The following MS4A14 variants were observed in gnomAD, a reference collection of about 807,000 sequenced individuals.
MS4A14 encodes the protein membrane spanning 4-domains A14.
MS4A14 carries 18 observed loss-of-function variants against 16.7 expected under a neutral mutation model. The observed-to-expected ratio is 1.08, with a 90% CI of 0.75 to 1.60. The LOEUF (loss-of-function observed/expected upper bound fraction) is 1.60, where lower values mean the gene tolerates loss of function less well. Among genes scored for constraint, MS4A14 ranks in the 40% most tolerant of loss-of-function variants. The probability of loss-of-function intolerance (pLI) is 0.00; values close to 1 mark genes in which losing one functional copy is unlikely to be tolerated. For missense variants in MS4A14, 812 were observed against 775.3 expected (o/e 1.05, Z -0.56); for synonymous variants, 305 against 289.4 (o/e 1.05, Z -0.55).
intron 4 of MS4A14, among the ~76,000 whole-genome samples, chr11:60,413,041 C>T (rs1250505968): frequency 6.6e-6 from 1 of 151,858 alleles, no homozygotes; most frequent in Non-Finnish European, 1.5e-5. Flanking sequence ...TTATTATTTA[C>T]AATGTATAAG....
intron 2 of MS4A14, 145 bp downstream of exon 2, chr11:60,398,125 C>A: frequency 2.8e-6 from 2 of 719,562 alleles, no homozygotes; most frequent in Non-Finnish European, 4.4e-6. Flanking sequence ...AGAAGCAACT[C>A]CATTTGGTCA....
chr11:60,405,010 T>G (rs1268915981), intron 4 of MS4A14, among the ~76,000 whole-genome samples: 1 of 152,132 alleles, frequency 6.6e-6, no homozygotes, highest in East Asian at 1.9e-4. Context: ...AGATTTTGGG[T>G]GTATTGCAGG....
chr11:60,412,313 T>C (rs550700737), intron 4 of MS4A14, among the ~76,000 whole-genome samples: 79 of 151,964 alleles, frequency 5.2e-4, no homozygotes, highest in African/African-American at 1.8e-3. Flanking sequence ...AATTGTTTTT[T>C]TTTTTTCTTT....
chr11:60,405,166 G>A lies in MS4A14; in HGVS notation c.468+2105G>A, dbSNP rs536757492. On this transcript the variant is annotated intron_variant, in intron 4 of 4. Transcript: ENST00000300187. The stretch of plus-strand genomic sequence containing the variant: ...ACAATCTCGGCTCACCACAACCTCC[G>A]CCTCCTAGGTTCAAGCAATTCTCCT... Among the ~76,000 whole-genome samples the A allele has an allele frequency of 6.6e-5, 10 of 151,596 alleles. No individual in the cohort carries two copies. The East Asian group carries it at 1.7e-3, about 26-fold the overall frequency.
At chr11:60,410,334 C>T (rs2085849932) in intron 4 of MS4A14, among the ~76,000 whole-genome samples, 1 of 152,104 alleles carries the variant, frequency 6.6e-6, no homozygotes, top group Non-Finnish European at 1.5e-5. Flanking sequence ...TTGTAGAGTT[C>T]TTTATATATT....
rs555394135 is a variant in MS4A14 at position 60,416,212 on chromosome 11, T to C, written c.1244T>C (p.Ile415Thr). Reference sequence around the variant, plus strand: ...TCCCAAGCTCTATCAGCGCATGCCATATTACCTGAAGCCTCAACATCCCAT... The same window carrying C: ...TCCCAAGCTCTATCAGCGCATGCCACATTACCTGAAGCCTCAACATCCCAT... ...MLSQALSAHA[I>T]LPEASTSHIV... The change falls in exon 5 of 5, where the codon ATA (isoleucine) becomes ACA (threonine). Residue 415 changes from isoleucine (I) to threonine (T), a missense_variant. Transcript: ENST00000300187. 1.2e-6 allele frequency: 2 copies of C among 1,613,916 alleles called. No homozygotes were observed. Among genetic ancestry groups the C allele is most frequent in the Admixed American group, 3.3e-5 (2 of 59,926 alleles).
rs2085624233 is a variant in MS4A14, at chr11:60,396,591, T to C, written c.13T>C (p.Ser5Pro). ...CTGCCATAGAATCATGGAGTCAACA[T>C]CCCAGGACAGAAGGGCAACTCACGT... MEST[S>P]QDRRATHVIT... The change falls in exon 1 of 5, where the codon TCC becomes CCC. Residue 5 changes from serine (S) to proline (P), a missense_variant. Physicochemically the swap from Ser to Pro is moderately conservative, Grantham distance 74. Coordinates refer to ENST00000300187, the MANE Select transcript of MS4A14 (RefSeq NM_032597.5). 1.2e-6 allele frequency: 2 copies of C among 1,613,762 alleles called. No homozygotes were observed. Among genetic ancestry groups the C allele is most frequent in the East Asian group, 4.5e-5 (2 of 44,874 alleles).
chr11:60,415,359 T>G, intron 4 of MS4A14, 78 bp from the exon 5 acceptor site: 3 of 1,469,582 alleles, frequency 2.0e-6, no homozygotes, highest in Non-Finnish European at 2.7e-6. Context: ...AAGTCAGAAA[T>G]GAAAAGTAAC....
Position 60,416,239 on chromosome 11 carries a change from T to C in MS4A14, c.1271T>C (p.Ile424Thr), listed in dbSNP as rs1406175110. The C allele has an allele frequency of 2.5e-6, 4 of 1,613,964 alleles. No individual in the cohort carries two copies. In the South Asian group the frequency reaches 4.4e-5, roughly 18 times the overall value. Residue 424 changes from isoleucine to threonine, a missense_variant, in exon 5 of 5, where the codon ATT becomes ACT. Ile to Thr is a moderately conservative substitution (Grantham distance 89). Transcript: ENST00000300187. Reference protein sequence around the residue: ...AILPEASTSHIVQFPEIQHLL... With the variant: ...AILPEASTSHTVQFPEIQHLL... The stretch of plus-strand genomic sequence containing the variant: ...TTACCTGAAGCCTCAACATCCCATA[T>C]TGTGCAGTTCCCTGAAATACAACAC...
At chr11:60,410,941 G>C (rs1485654405) in intron 4 of MS4A14, among the ~76,000 whole-genome samples, 1 of 152,108 alleles carries the variant, frequency 6.6e-6, no homozygotes, top group African/African-American at 2.4e-5. Flanking sequence ...TGCCTCCCGG[G>C]TTCAAGCAAT....
intron 1 of MS4A14, 41 bp from the exon 2 acceptor site, chr11:60,397,811 T>C: frequency 6.2e-7 from 1 of 1,604,372 alleles, no homozygotes; most frequent in Non-Finnish European, 8.5e-7. Context: ...CACAGGGTCT[T>C]GGATACTTGT....
chr11:60,400,948 C>G (rs1343979616), intron 3 of MS4A14, among the ~76,000 whole-genome samples: 1 of 152,042 alleles, frequency 6.6e-6, no homozygotes, highest in East Asian at 1.9e-4. Context: ...CAATCCTAAG[C>G]TCTCACTAAT....
Position 60,402,910 on chromosome 11 carries a change from A to G in MS4A14, c.319-2A>G. ...TTTTATCATTTTTAAACTATCTTTC[A>G]GGGTCAAGGTGTCACGGGCATGAAT... On this transcript the variant is annotated splice_acceptor_variant, in intron 3 of 4. Transcript: ENST00000300187. LOFTEE classifies it high-confidence loss of function. 6.2e-7 allele frequency: 1 copy of G among 1,610,770 alleles called. No individual in the cohort carries two copies. Among genetic ancestry groups the G allele is most frequent in the Non-Finnish European group, 8.5e-7 (1 of 1,178,744 alleles).
At chr11:60,401,111 A>G (rs2085707065) in intron 3 of MS4A14, among the ~76,000 whole-genome samples, 1 of 152,210 alleles carries the variant, frequency 6.6e-6, no homozygotes, top group Admixed American at 6.5e-5. Context: ...ACCTGAAGGG[A>G]AAAGTGCCTA....
At chr11:60,408,522 T>G (rs914313029) in intron 4 of MS4A14, among the ~76,000 whole-genome samples, 1 of 152,170 alleles carries the variant, frequency 6.6e-6, no homozygotes, top group African/African-American at 2.4e-5. Context: ...TGAATTTGCC[T>G]TTTCTAGAGA....
chr11:60,400,568 G>T, intron 3 of MS4A14, 114 bp downstream of exon 3: 3 of 642,774 alleles, frequency 4.7e-6, no homozygotes, highest in African/African-American at 1.8e-5. Flanking sequence ...ATGCATCAAA[G>T]TTGCAGTTCA....
At chr11:60,400,181 A>G (rs2085690580) in intron 2 of MS4A14, among the ~76,000 whole-genome samples, 1 of 152,186 alleles carries the variant, frequency 6.6e-6, no homozygotes, top group African/African-American at 2.4e-5. Context: ...TGCCTGTCCC[A>G]GTTGGCCCTG....
At chr11:60,408,290 G>A (rs1359090697) in intron 4 of MS4A14, among the ~76,000 whole-genome samples, 1 of 152,088 alleles carries the variant, frequency 6.6e-6, no homozygotes, top group African/African-American at 2.4e-5. Context: ...TGTCTTTAGA[G>A]TAATTCTTTT....
intron 4 of MS4A14, among the ~76,000 whole-genome samples, chr11:60,409,198 G>A (rs2085831704): frequency 6.6e-6 from 1 of 152,088 alleles, no homozygotes; most frequent in Non-Finnish European, 1.5e-5. Context: ...ACACTACGTT[G>A]TAATTTGCTA....
Sources: allele counts gnomAD v4.1 joint callset (sites outside exome capture counted in the v4.1 genomes callset), GRCh38; gene constraint gnomAD v4.1.1; transcripts MANE v1.5; gene names NCBI Gene and HGNC (gene_info 2026-07-23, HGNC 2026-07-21).